The following PCDH15 variants were observed in gnomAD, a reference collection of about 807,000 sequenced individuals.
PCDH15 encodes the protein protocadherin-15.
PCDH15 carries 129 observed loss-of-function variants against 178.5 expected under a neutral mutation model. The observed-to-expected ratio is 0.72, with a 90% confidence interval of 0.63 to 0.84. The LOEUF (loss-of-function observed/expected upper bound fraction) is 0.84. Ranked by LOEUF, PCDH15 falls within the 40% of genes least tolerant of loss-of-function variation. PCDH15 has a pLI of 0.00. For synonymous variants in PCDH15, 800 were observed against 732.0 expected, an observed-to-expected ratio of 1.09 and a Z score of -1.50; for missense variants, 2,230 against 2,099.9, an observed-to-expected ratio of 1.06 and a Z score of -1.21.
At chr10:54,281,186 T>C (rs2058684695) in intron 8 of PCDH15, among the ~76,000 whole-genome samples, 1 of 151,894 alleles carries the variant, frequency 6.6e-6, no homozygotes, top group African/African-American at 2.4e-5. Flanking sequence ...AAATAAACTG[T>C]TCCCAACTTG....
At chr10:53,890,536 T>C (rs1279459659) in intron 26 of PCDH15, among the ~76,000 whole-genome samples, 1 of 152,236 alleles carries the variant, frequency 6.6e-6, no homozygotes, top group African/African-American at 2.4e-5. Flanking sequence ...CACTGACTTT[T>C]GTCCTTTTCT....
At chr10:55,025,317 G>A (rs1443978344) in intron 2 of PCDH15, among the ~76,000 whole-genome samples, 1 of 152,090 alleles carries the variant, frequency 6.6e-6, no homozygotes, top group Non-Finnish European at 1.5e-5. Flanking sequence ...ATGGTTTTAT[G>A]TTCTTCTTTG....
At chr10:55,419,869 A>G (rs1838577965) in intron 2 of PCDH15, among the ~76,000 whole-genome samples, 1 of 151,752 alleles carries the variant, frequency 6.6e-6, no homozygotes, top group Non-Finnish European at 1.5e-5. Flanking sequence ...AAATATGAAC[A>G]GATAGTAAAA....
intron 2 of PCDH15, among the ~76,000 whole-genome samples, chr10:55,361,999 G>GTTTT (rs1299519430): frequency 6.6e-6 from 1 of 151,962 alleles, no homozygotes; most frequent in East Asian, 1.9e-4. Context: ...AAATTACATT[G>GTTTT]GAAATATATA....
chr10:54,289,512 A>G (rs2059258005), intron 8 of PCDH15, among the ~76,000 whole-genome samples: 1 of 152,224 alleles, frequency 6.6e-6, no homozygotes, highest in African/African-American at 2.4e-5. Flanking sequence ...GCAGCTCCTC[A>G]CCAGCAACAG....
intron 2 of PCDH15, among the ~76,000 whole-genome samples, chr10:55,525,948 C>G (rs999596812): frequency 6.6e-6 from 1 of 151,840 alleles, no homozygotes; most frequent in Non-Finnish European, 1.5e-5. Flanking sequence ...AGCTAATCAT[C>G]CTGAGAAGAC....
intron 2 of PCDH15, among the ~76,000 whole-genome samples, chr10:55,362,266 T>A (rs1043795962): frequency 1.3e-5 from 2 of 152,162 alleles, no homozygotes. Flanking sequence ...TGGTACTTTT[T>A]TATTTTGCAG....
intron 1 of PCDH15, among the ~76,000 whole-genome samples, chr10:55,231,316 TG>T: frequency 6.6e-6 from 1 of 152,106 alleles, no homozygotes; most frequent in East Asian, 1.9e-4. Flanking sequence ...ATGTAATTCT[TG>T]GGATGTGGGT....
At chr10:54,815,056 G>A (rs182129091) in intron 3 of PCDH15, among the ~76,000 whole-genome samples, 3 of 151,902 alleles carry the variant, frequency 2.0e-5, no homozygotes, top group African/African-American at 7.2e-5. Context: ...TTATTTTAAC[G>A]TACCTCACTA....
chr10:54,756,095 A>G (rs991692431), intron 1 of PCDH15, among the ~76,000 whole-genome samples: 7 of 150,232 alleles, frequency 4.7e-5, no homozygotes, highest in African/African-American at 1.7e-4. Flanking sequence ...ACACACACAC[A>G]CAAAATTAGC....
chr10:55,427,267 C>G (rs1838779742), intron 2 of PCDH15, among the ~76,000 whole-genome samples: 1 of 152,064 alleles, frequency 6.6e-6, no homozygotes, highest in Non-Finnish European at 1.5e-5. Context: ...GACTCTCAAC[C>G]AAAGTAACCT....
intron 3 of PCDH15, among the ~76,000 whole-genome samples, chr10:54,457,028 T>A (rs1188494045): frequency 6.6e-6 from 1 of 152,146 alleles, no homozygotes; most frequent in Non-Finnish European, 1.5e-5. Context: ...TGTTTCTTCA[T>A]AGTGGTGTGA....
chr10:55,446,858 T>G (rs1181020267), intron 2 of PCDH15, among the ~76,000 whole-genome samples: 1 of 152,030 alleles, frequency 6.6e-6, no homozygotes, highest in Non-Finnish European at 1.5e-5. Flanking sequence ...GCAGCACCAC[T>G]CAGCTAAGAC....
At chr10:54,718,880 A>G (rs2095512709) in intron 1 of PCDH15, among the ~76,000 whole-genome samples, 1 of 151,754 alleles carries the variant, frequency 6.6e-6, no homozygotes, top group Non-Finnish European at 1.5e-5. Context: ...TATTTTTAGT[A>G]GAGACGGGGT....
At chr10:55,247,003 A>T (rs1841694065) in intron 1 of PCDH15, among the ~76,000 whole-genome samples, 1 of 152,136 alleles carries the variant, frequency 6.6e-6, no homozygotes, top group Non-Finnish European at 1.5e-5. Flanking sequence ...ATTAACATAC[A>T]TGAGTAAAAG....
intron 1 of PCDH15, among the ~76,000 whole-genome samples, chr10:54,719,682 G>C (rs1418605595): frequency 6.6e-6 from 1 of 151,846 alleles, no homozygotes; most frequent in Admixed American, 6.6e-5. Context: ...CACCTCAGCC[G>C]CCACCCCCCG....
intron 3 of PCDH15, among the ~76,000 whole-genome samples, chr10:54,483,892 A>G (rs977477936): frequency 9.2e-5 from 14 of 152,022 alleles, no homozygotes; most frequent in African/African-American, 3.4e-4. Context: ...GATGATGTTC[A>G]GATTTCAGTG....
intron 8 of PCDH15, among the ~76,000 whole-genome samples, chr10:54,247,255 A>G (rs1430405864): frequency 6.6e-6 from 1 of 151,946 alleles, no homozygotes; most frequent in East Asian, 1.9e-4. Flanking sequence ...CCATAGATAA[A>G]ATATTGCACT....
intron 2 of PCDH15, among the ~76,000 whole-genome samples, chr10:55,102,327 G>A (rs988777477): frequency 1.1e-4 from 17 of 151,892 alleles, no homozygotes. Flanking sequence ...CTTTCAGAGA[G>A]CCCATTAGAG....
Sources: allele counts gnomAD v4.1 joint callset (sites outside exome capture counted in the v4.1 genomes callset), GRCh38; gene constraint gnomAD v4.1.1; transcripts MANE v1.5; gene names NCBI Gene and HGNC (gene_info 2026-07-23, HGNC 2026-07-21).